Variants in MYH3 observed in about 807,000 individuals in gnomAD.
MYH3 encodes the protein myosin heavy chain 3.
A neutral mutation model predicts 238.0 loss-of-function variants in MYH3; 130 were observed. That is an observed-to-expected ratio of 0.55 (90% confidence interval 0.47 to 0.63). The LOEUF (loss-of-function observed/expected upper bound fraction) is 0.63. Ranked by LOEUF, MYH3 falls within the 30% of genes least tolerant of loss-of-function variation. The pLI, the probability that MYH3 is intolerant of heterozygous loss-of-function variation, is 0.00. For synonymous variants in MYH3, 880 were observed against 924.1 expected (o/e 0.95, Z 0.86); for missense variants, 1,853 against 2,374.9 (o/e 0.78, Z 4.57).
At chr17:10,674,404 C>T in the MYH3 span, 188 of 272,246 alleles carry the variant, frequency 6.9e-4, no homozygotes, top group Non-Finnish European at 1.2e-3. Context: ...CCAGCCTAGG[C>T]AACAAGAGCG....
chr17:10,643,918 C>T (rs1009183389), intron 14 of MYH3, among the ~76,000 whole-genome samples: 40 of 152,068 alleles, frequency 2.6e-4, no homozygotes, highest in African/African-American at 9.2e-4. Flanking sequence ...CCAACACTTT[C>T]GGAGGCCGAG....
the MYH3 span, chr17:10,674,183 G>A: frequency 6.3e-6 from 1 of 158,050 alleles, no homozygotes; most frequent in Non-Finnish European, 1.4e-5. Context: ...GGGAGGCCAA[G>A]GCGGGTGGAT....
rs762734569 is a variant in MYH3 at position 10,651,642 on chromosome 17, A to G, written c.375T>C (p.Thr125=). Residue 125 remains threonine (T), a synonymous_variant, in exon 5 of 41, where the codon ACT becomes ACC. Coordinates refer to ENST00000583535, the MANE Select transcript of MYH3 (RefSeq NM_002470.4). ...IYTYSGLFCV[T]VNPYKWLPVY... is the part of the protein sequence containing the mutation. ...CCGGCAGCCACTTGTAGGGGTTGAC[A>G]GTGACACAGAAGAGGCCTGAGTAGG... The G allele has an allele frequency of 1.7e-5, 28 of 1,614,046 alleles. No homozygotes were observed. In the East Asian group the frequency reaches 2.9e-4, roughly 17 times the overall value.
At chr17:10,664,476 T>C in the MYH3 span, among the ~76,000 whole-genome samples, 3 of 152,132 alleles carry the variant, frequency 2.0e-5, no homozygotes, top group African/African-American at 7.2e-5. Context: ...GGATGGACGG[T>C]TCAGGAGTTA....
At chr17:10,644,093 G>T (rs1021688028) in intron 14 of MYH3, among the ~76,000 whole-genome samples, 2 of 151,520 alleles carry the variant, frequency 1.3e-5, no homozygotes, top group African/African-American at 4.9e-5. Flanking sequence ...TCAGGAAGAG[G>T]TTGCAGTGAG....
the MYH3 span, among the ~76,000 whole-genome samples, chr17:10,664,798 G>A: frequency 6.6e-6 from 1 of 152,148 alleles, no homozygotes; most frequent in Non-Finnish European, 1.5e-5. Flanking sequence ...CATGATTGAA[G>A]CCGAGAAGAA....
intron 31 of MYH3, 82 bp downstream of exon 31, chr17:10,634,758 C>G (rs761678310): frequency 6.4e-6 from 10 of 1,559,982 alleles, no homozygotes; most frequent in Non-Finnish European, 8.8e-6. Context: ...AGAGTCAGGT[C>G]CGGGATGCAT....
chr17:10,633,140 A>G (rs2074181326), intron 33 of MYH3, among the ~76,000 whole-genome samples: 1 of 152,158 alleles, frequency 6.6e-6, no homozygotes, highest in Non-Finnish European at 1.5e-5. Context: ...TGAACCCAGG[A>G]GACAGAGGTT....
intron 8 of MYH3, 105 bp downstream of exon 8, chr17:10,648,452 T>C: frequency 1.0e-6 from 1 of 979,430 alleles, no homozygotes; most frequent in Admixed American, 1.7e-5. Context: ...GTTGTTTTGT[T>C]TTTCATCATC....
intron 28 of MYH3, 136 bp downstream of exon 28, chr17:10,637,673 T>C: frequency 8.1e-7 from 1 of 1,229,796 alleles, no homozygotes; most frequent in Non-Finnish European, 1.2e-6. Flanking sequence ...CTATGAGTTA[T>C]TTCAATTTCT....
Position 10,634,073 on chromosome 17 carries a change from T to G in MYH3, c.4466A>C (p.Tyr1489Ser). ...TTCAAGTTGATCTAAGGCTTCCTCGTAGGCATTTTTCAGTTTGAAGAGCTC... is the reference window on the plus strand; with the variant it reads ...TTCAAGTTGATCTAAGGCTTCCTCGGAGGCATTTTTCAGTTTGAAGAGCTC... Reference protein sequence around the residue: ...STELFKLKNAYEEALDQLETV... With the variant: ...STELFKLKNASEEALDQLETV... The change falls in exon 32 of 41, where the codon TAC becomes TCC. Residue 1489 changes from tyrosine (Y) to serine (S), a missense_variant. By Grantham distance (144) the Tyr-to-Ser change is moderately radical. Coordinates refer to ENST00000583535, the MANE Select transcript of MYH3 (RefSeq NM_002470.4). The G allele has an allele frequency of 6.2e-7, 1 of 1,614,184 alleles. No individual in the cohort carries two copies. Among genetic ancestry groups the G allele is most frequent in the African/African-American group, 1.3e-5 (1 of 75,048 alleles).
intron 1 of MYH3, among the ~76,000 whole-genome samples, chr17:10,656,371 A>G (rs959507430): frequency 2.6e-5 from 4 of 152,088 alleles, no homozygotes; most frequent in African/African-American, 9.7e-5. Context: ...ACTAAAAATA[A>G]AAAATAAATT....
At chr17:10,656,537 C>CAAAAAA (rs71139057) in intron 1 of MYH3, among the ~76,000 whole-genome samples, 21 of 55,878 alleles carry the variant, frequency 3.8e-4, no homozygotes, top group African/African-American at 9.4e-4. Context: ...AATTCTGTCT[C>CAAAAAA]AAAAAAAAAA....
rs776353293 is a variant in MYH3 at position 10,642,220 on chromosome 17, T to C, written c.1959+20A>G. ...GTCACTTAAATCAATTATAAGCAAA[T>C]AAACTTGTATTTTTCTTACCCTGAA... On this transcript the variant is annotated intron_variant, in intron 17 of 40. Coordinates refer to ENST00000583535, the MANE Select transcript of MYH3 (RefSeq NM_002470.4). This position sits in a 1 kb window ranked among gnomAD's most constrained non-coding sequence, Gnocchi z 5.4. 1.9e-6 allele frequency: 3 copies of C among 1,606,084 alleles called. No homozygotes were observed. The East Asian group carries it at 6.7e-5, about 36-fold the overall frequency.
intron 10 of MYH3, among the ~76,000 whole-genome samples, chr17:10,646,346 G>A (rs1439429131): frequency 6.6e-6 from 1 of 152,126 alleles, no homozygotes; most frequent in East Asian, 1.9e-4. Context: ...GGCTGAGTGC[G>A]GGTCAGGACG....
chr17:10,663,815 C>A, the MYH3 span, among the ~76,000 whole-genome samples: 1 of 152,200 alleles, frequency 6.6e-6, no homozygotes, highest in South Asian at 2.1e-4. Flanking sequence ...GTAATCCCAG[C>A]ACTTTGGGAG....
intron 34 of MYH3, 92 bp downstream of exon 34, chr17:10,632,384 G>T (rs2074171308): frequency 8.6e-6 from 12 of 1,395,482 alleles, no homozygotes; most frequent in Admixed American, 1.7e-5. Context: ...CTCCCAGAGC[G>T]CTGGGACTAC....
intron 40 of MYH3, 98 bp from the exon 41 acceptor site, chr17:10,628,777 C>A: frequency 8.0e-7 from 1 of 1,255,400 alleles, no homozygotes; most frequent in South Asian, 1.2e-5. Context: ...TTGCCTACTT[C>A]AGTGGGACAC....
chr17:10,647,024 T>C (rs2074328528), intron 10 of MYH3, among the ~76,000 whole-genome samples, 158 bp downstream of exon 10: 1 of 152,200 alleles, frequency 6.6e-6, no homozygotes, highest in Non-Finnish European at 1.5e-5. Context: ...CACCCCAGCC[T>C]GGGCATCAGA....
Sources: allele counts gnomAD v4.1 joint callset (sites outside exome capture counted in the v4.1 genomes callset), GRCh38; gene constraint gnomAD v4.1.1; non-coding constraint Gnocchi (gnomAD v3.1); transcripts MANE v1.5; gene names NCBI Gene and HGNC (gene_info 2026-07-23, HGNC 2026-07-21).